Variants in DMGDH observed in about 807,000 individuals in gnomAD.
The protein encoded by DMGDH is dimethylglycine dehydrogenase, mitochondrial.
Under a neutral mutation model 95.2 loss-of-function variants are expected in DMGDH, and 76 were observed. The ratio of observed to expected loss-of-function variants is 0.80; its 90% CI spans 0.66 to 0.97. The LOEUF is 0.97. Ranked by LOEUF, DMGDH falls within the 50% of genes least tolerant of loss-of-function variation. DMGDH has a pLI of 0.00. For synonymous variants in DMGDH, 345 were observed against 377.6 expected (o/e 0.91, Z 1.00); for missense variants, 987 against 1,055.0 (o/e 0.94, Z 0.89).
intron 7 of DMGDH, among the ~76,000 whole-genome samples, chr5:79,040,462 G>A (rs1234775123): frequency 6.6e-6 from 1 of 152,200 alleles, no homozygotes; most frequent in African/African-American, 2.4e-5. Context: ...ATTAACTCAT[G>A]ACTGATTACA....
chr5:79,006,035 A>T (rs531903039), intron 14 of DMGDH, among the ~76,000 whole-genome samples: 1 of 147,962 alleles, frequency 6.8e-6, no homozygotes, highest in African/African-American at 2.4e-5. Flanking sequence ...TTATTCTCTA[A>T]TACTGTGCTT....
intron 1 of DMGDH, among the ~76,000 whole-genome samples, chr5:79,064,180 C>T (rs1020400910): frequency 1.1e-4 from 16 of 151,910 alleles, no homozygotes; most frequent in African/African-American, 3.9e-4. Flanking sequence ...TGACGAAGCC[C>T]CGTCTCTATA....
At chr5:79,016,130 T>G (rs2112607348) in intron 14 of DMGDH, among the ~76,000 whole-genome samples, 1 of 151,844 alleles carries the variant, frequency 6.6e-6, no homozygotes, top group Admixed American at 6.6e-5. Flanking sequence ...CCCAGCTACT[T>G]GGGAGGCTGA....
At chr5:79,032,406 G>C (rs573375397) in intron 9 of DMGDH, among the ~76,000 whole-genome samples, 22 of 152,308 alleles carry the variant, frequency 1.4e-4, no homozygotes, top group Non-Finnish European at 2.2e-4. Context: ...TGGGAATTTG[G>C]AGGGCGGTCG....
intron 7 of DMGDH, among the ~76,000 whole-genome samples, chr5:79,037,899 A>T (rs992125301): frequency 1.3e-5 from 2 of 152,228 alleles, no homozygotes; most frequent in African/African-American, 4.8e-5. Context: ...GAAAACTACA[A>T]ATCATTGTTC....
intron 15 of DMGDH, among the ~76,000 whole-genome samples, chr5:79,003,950 A>C (rs764563232): frequency 4.0e-5 from 6 of 151,792 alleles, no homozygotes; most frequent in Non-Finnish European, 8.8e-5. Context: ...CTGTCTCAAA[A>C]TAAATAAATA....
intron 3 of DMGDH, among the ~76,000 whole-genome samples, chr5:79,055,159 G>C (rs1754989155): frequency 6.6e-6 from 1 of 152,240 alleles, no homozygotes; most frequent in African/African-American, 2.4e-5. Flanking sequence ...GTTATTGAGA[G>C]TAGCTGAAGC....
intron 5 of DMGDH, among the ~76,000 whole-genome samples, chr5:79,048,605 T>C (rs1490225254): frequency 1.3e-5 from 2 of 152,194 alleles, no homozygotes; most frequent in African/African-American, 4.8e-5. Flanking sequence ...CTTCTGCAGA[T>C]AGTTGCTTTT....
At chr5:79,001,929 T>C (rs1561204667) in intron 15 of DMGDH, among the ~76,000 whole-genome samples, 1 of 152,220 alleles carries the variant, frequency 6.6e-6, no homozygotes, top group Non-Finnish European at 1.5e-5. Flanking sequence ...CTACCTAAAA[T>C]CTTCCAGGTT....
intron 7 of DMGDH, among the ~76,000 whole-genome samples, chr5:79,041,870 G>T (rs1443289592): frequency 1.3e-5 from 2 of 152,104 alleles, no homozygotes; most frequent in East Asian, 3.9e-4. Context: ...CGTGATGCCG[G>T]GTGCCTATAA....
chr5:78,999,455 C>G (rs945087387), intron 15 of DMGDH, among the ~76,000 whole-genome samples: 1 of 152,160 alleles, frequency 6.6e-6, no homozygotes, highest in South Asian at 2.1e-4. Context: ...CCCAGCCTCC[C>G]GAGTGGCTGG....
chr5:79,026,760 T>A (rs1374462065), intron 12 of DMGDH, among the ~76,000 whole-genome samples, 179 bp from the exon 13 acceptor site: 2 of 152,210 alleles, frequency 1.3e-5, no homozygotes, highest in Admixed American at 6.5e-5. Context: ...AAGCCCACCA[T>A]ATCACAGATG....
In DMGDH at chr5:79,061,238, C is replaced by T. The variant is rs984466085; in HGVS notation, c.276+2375G>A. On this transcript the variant is annotated intron_variant, in intron 2 of 15. Coordinates refer to ENST00000255189, the MANE Select transcript of DMGDH (RefSeq NM_013391.3). Reference sequence around the variant, plus strand: ...TGTCTCAAACACACACACACACACACACACACACACACACACACACACACA... The same window carrying T: ...TGTCTCAAACACACACACACACACATACACACACACACACACACACACACA... Among the ~76,000 whole-genome samples, 216 of 139,300 alleles carry T rather than the reference C, an allele frequency of 1.6e-3. 2 individuals carry two copies. Among genetic ancestry groups the T allele is most frequent in the Non-Finnish European group, 1.1e-3 (75 of 67,474 alleles). 91.4% of individuals were successfully genotyped at this position (139,300 alleles called of 152,430 possible). A position where few individuals can be genotyped will look rare whatever the true frequency, so the allele number is the denominator to read the frequency against.
At position 79,054,085 on chromosome 5, in the gene DMGDH, T is replaced by G. The variant is rs990390710; in HGVS notation, c.540+99A>C. On this transcript the variant is annotated intron_variant, in intron 4 of 15. Transcript: ENST00000255189. ...TCATATGATTTTGTCACATTTAAAA[T>G]GTGTGTACCAAGTTTTCTGTTTTTA... 8.8e-6 allele frequency: 12 copies of G among 1,358,324 alleles called. No individual in the cohort carries two copies. The Middle Eastern group carries it at 7.6e-4, about 87-fold the overall frequency. The allele number at this position is 1,358,324 out of a possible 1,614,324, so 84.1% of individuals were successfully genotyped here. A position where few individuals can be genotyped will look rare whatever the true frequency, so the allele number is the denominator to read the frequency against.
intron 7 of DMGDH, among the ~76,000 whole-genome samples, chr5:79,038,127 G>C (rs1051314425): frequency 3.3e-5 from 5 of 152,134 alleles, no homozygotes; most frequent in Non-Finnish European, 7.3e-5. Context: ...AACAAAGTTG[G>C]AGGATTCATA....
At chr5:79,036,398 C>G (rs975422907) in intron 7 of DMGDH, among the ~76,000 whole-genome samples, 2 of 152,186 alleles carry the variant, frequency 1.3e-5, no homozygotes, top group African/African-American at 4.8e-5. Context: ...CTTTTTATAA[C>G]TCTGTTAAAT....
At chr5:79,053,354 C>G (rs562382769) in intron 4 of DMGDH, among the ~76,000 whole-genome samples, 1 of 151,986 alleles carries the variant, frequency 6.6e-6, no homozygotes, top group Non-Finnish European at 1.5e-5. Context: ...GTGTGTGAGA[C>G]GAGGTCTCAG....
intron 14 of DMGDH, among the ~76,000 whole-genome samples, chr5:79,009,342 CTTCTTTTCTTTTCTT>C (rs201648827): frequency 1.5e-4 from 21 of 143,450 alleles, no homozygotes; most frequent in Admixed American, 7.2e-4. Context: ...TACTTTCTTT[CTTCTTTTCTTTTCTT>C]TTCTTTTCTT....
intron 14 of DMGDH, among the ~76,000 whole-genome samples, chr5:79,006,725 C>T (rs1438043326): frequency 2.0e-5 from 3 of 152,072 alleles, no homozygotes; most frequent in African/African-American, 2.4e-5. Flanking sequence ...TGTCCTCCAC[C>T]GCTAACATTT....
Sources: gnomAD v4.1 joint callset for allele counts (sites outside exome capture counted in the v4.1 genomes callset) on GRCh38, gnomAD v4.1.1 for gene constraint, MANE v1.5 for transcripts, NCBI Gene and HGNC (gene_info 2026-07-23, HGNC 2026-07-21) for gene names.